The following CDK6 variants were observed in gnomAD, a reference collection of about 807,000 sequenced individuals.
CDK6 encodes cyclin dependent kinase 6, also known as cyclin-dependent kinase 6.
In CDK6, 6 loss-of-function variants were observed where a neutral mutation model predicts 37.1. The observed-to-expected ratio is 0.16, with a 90% confidence interval of 0.09 to 0.32. The LOEUF (loss-of-function observed/expected upper bound fraction) is 0.32. Among genes scored for constraint, CDK6 ranks in the 10% least tolerant of loss-of-function variants. The pLI is 1.00. For missense variants in CDK6, 224 were observed against 418.9 expected (o/e 0.53, Z 4.06); for synonymous variants, 160 against 161.3 (o/e 0.99, Z 0.06).
In CDK6 at chr7:92,609,531, CA is replaced by C; in HGVS notation, c.*5608del. 4.4e-6 allele frequency: 1 copy of C among 227,650 alleles called. No homozygotes were observed. Among genetic ancestry groups the C allele is most frequent in the Non-Finnish European group, 8.7e-6 (1 of 114,910 alleles). 14.1% of individuals were successfully genotyped at this position (227,650 alleles called of 1,614,324 possible). A position where few individuals can be genotyped will look rare whatever the true frequency, so the allele number is the denominator to read the frequency against. On this transcript the variant is annotated 3_prime_UTR_variant, in exon 8 of 8. Coordinates refer to ENST00000424848, the MANE Select transcript of CDK6 (RefSeq NM_001145306.2). ...GGTATTTTAGGGCTCTGTTTCAATA[CA>C]GCAATTTTTCAGACAAAAGTTTTGT...
chr7:92,799,422 C>T (rs189891572), intron 2 of CDK6, among the ~76,000 whole-genome samples: 15 of 152,264 alleles, frequency 9.9e-5, no homozygotes, highest in Middle Eastern at 3.4e-3. Flanking sequence ...CCCTCTACTT[C>T]TCTTGTGTCT....
At chr7:92,708,790 C>T (rs907584210) in intron 4 of CDK6, among the ~76,000 whole-genome samples, 1 of 152,128 alleles carries the variant, frequency 6.6e-6, no homozygotes, top group African/African-American at 2.4e-5. Context: ...AGAGATTCTT[C>T]ATTATACAAT....
chr7:92,830,973 C>T (rs1004899008), intron 2 of CDK6, among the ~76,000 whole-genome samples: 2 of 152,322 alleles, frequency 1.3e-5, no homozygotes, highest in Admixed American at 6.5e-5. Context: ...TCTGCTGAAA[C>T]GCAAACAATC....
Position 92,607,813 on chromosome 7 carries a change from G to GAAAACA in CDK6, c.*7321_*7326dup, listed in dbSNP as rs1418872583. The GAAAACA allele has an allele frequency of 4.3e-6, 1 of 232,268 alleles. No homozygotes were observed. Among genetic ancestry groups the GAAAACA allele is most frequent in the African/African-American group, 2.2e-5 (1 of 45,230 alleles). 14.4% of individuals were successfully genotyped at this position (232,268 alleles called of 1,614,324 possible). On this transcript the variant is annotated 3_prime_UTR_variant, in exon 8 of 8. Transcript: ENST00000424848. ...CTAATATATTTACTACAGGTAATAG[G>GAAAACA]AAAACAAATGAATAAAAAGTGAGGA...
chr7:92,626,670 C>T (rs1019367734), intron 5 of CDK6, among the ~76,000 whole-genome samples: 2 of 151,892 alleles, frequency 1.3e-5, no homozygotes, highest in Admixed American at 6.6e-5. Flanking sequence ...TGACAAGGGC[C>T]TCAACTAGGT....
At chr7:92,812,046 G>A (rs1437683153) in intron 2 of CDK6, among the ~76,000 whole-genome samples, 2 of 152,194 alleles carry the variant, frequency 1.3e-5, no homozygotes, top group Non-Finnish European at 2.9e-5. Context: ...GGCTGAGGCA[G>A]GAGAATCGCT....
At chr7:92,792,833 C>G (rs1461930143) in intron 2 of CDK6, among the ~76,000 whole-genome samples, 2 of 151,832 alleles carry the variant, frequency 1.3e-5, no homozygotes, top group African/African-American at 2.4e-5. Context: ...TCTCAGAGCT[C>G]CAGACACAAG....
At chr7:92,820,515 T>C (rs956065495) in intron 2 of CDK6, among the ~76,000 whole-genome samples, 5 of 152,158 alleles carry the variant, frequency 3.3e-5, no homozygotes, top group Admixed American at 6.5e-5. Context: ...GAAATTGTGA[T>C]GTTAAAGGGA....
chr7:92,623,977 G>T (rs1795867347), intron 5 of CDK6, among the ~76,000 whole-genome samples: 1 of 151,976 alleles, frequency 6.6e-6, no homozygotes, highest in African/African-American at 2.4e-5. Context: ...CTATTATCAG[G>T]TATCATATCT....
At chr7:92,799,903 T>C (rs778776246) in intron 2 of CDK6, among the ~76,000 whole-genome samples, 5 of 152,162 alleles carry the variant, frequency 3.3e-5, no homozygotes, top group Non-Finnish European at 5.9e-5. Flanking sequence ...CACATGTAAC[T>C]CAACATGTTC....
At chr7:92,665,193 T>C (rs946211028) in intron 5 of CDK6, among the ~76,000 whole-genome samples, 6 of 152,140 alleles carry the variant, frequency 3.9e-5, no homozygotes, top group East Asian at 3.8e-4. Flanking sequence ...AGGCAACCAA[T>C]AGATACCTGG....
Position 92,680,127 on chromosome 7 carries a change from G to C in CDK6, c.538-8592C>G, listed in dbSNP as rs1054067188. ...TCATTATAACACCTTAACTGGTTAT[G>C]GAAACTATTAAGAATTAAATACTGG... On this transcript the variant is annotated intron_variant, in intron 4 of 7. Coordinates refer to ENST00000424848, the MANE Select transcript of CDK6 (RefSeq NM_001145306.2). 2.6e-5 allele frequency among the ~76,000 whole-genome samples: 4 copies of C among 151,746 alleles called. No individual in the cohort carries two copies. In the South Asian group the frequency reaches 8.4e-4, roughly 32 times the overall value.
intron 3 of CDK6, among the ~76,000 whole-genome samples, chr7:92,746,759 T>C (rs1404809925): frequency 1.3e-5 from 2 of 152,196 alleles, no homozygotes; most frequent in Admixed American, 6.5e-5. Context: ...TATAAAACTT[T>C]TTATTTTTTT....
At chr7:92,820,759 A>C (rs1447640183) in intron 2 of CDK6, among the ~76,000 whole-genome samples, 1 of 152,128 alleles carries the variant, frequency 6.6e-6, no homozygotes, top group Non-Finnish European at 1.5e-5. Context: ...ATATTACTGA[A>C]GTTTAAATAT....
At position 92,606,235 on chromosome 7, in the gene CDK6, T is replaced by A. The variant is rs1795424898; in HGVS notation, c.*8905A>T. ...TGGTACCACAGCCAAAACTGAATGC[T>A]CTGTACAATGACTTGGTTTAAAAAT... On this transcript the variant is annotated 3_prime_UTR_variant, in exon 8 of 8. Coordinates refer to ENST00000424848, the MANE Select transcript of CDK6 (RefSeq NM_001145306.2). 1 of 233,434 alleles carries A rather than the reference T, an allele frequency of 4.3e-6. No homozygotes were observed. Among genetic ancestry groups the A allele is most frequent in the African/African-American group, 2.2e-5 (1 of 45,360 alleles). The allele number at this position is 233,434 out of a possible 1,614,324, so 14.5% of individuals were successfully genotyped here. A position where few individuals can be genotyped will look rare whatever the true frequency, so the allele number is the denominator to read the frequency against.
In CDK6 at chr7:92,611,241, A is replaced by G. The variant is rs1008932315; in HGVS notation, c.*3899T>C. ...TGAAACATGCATTCTTTTGAATTATATAAATATCTAAGAGTTTATAATAAC... is the reference window on the plus strand; with the variant it reads ...TGAAACATGCATTCTTTTGAATTATGTAAATATCTAAGAGTTTATAATAAC... On this transcript the variant is annotated 3_prime_UTR_variant, in exon 8 of 8. Coordinates refer to ENST00000424848, the MANE Select transcript of CDK6 (RefSeq NM_001145306.2). The G allele has an allele frequency of 4.4e-6, 1 of 225,630 alleles. No homozygotes were observed. The highest frequency in any genetic ancestry group is 8.8e-6 in the Non-Finnish European group (1 of 113,522). The allele number at this position is 225,630 out of a possible 1,614,324, so 14.0% of individuals were successfully genotyped here.
rs1292010140 is a variant in CDK6 at position 92,607,062 on chromosome 7, C to A, written c.*8078G>T. ...CACACTGGATTGCTTCTGTACACAG[C>A]TAAGTTGCCTGAAGCATGGAAACTT... On this transcript the variant is annotated 3_prime_UTR_variant, in exon 8 of 8. Transcript: ENST00000424848. The A allele has an allele frequency of 1.3e-5, 3 of 233,440 alleles. No homozygotes were observed. The highest frequency in any genetic ancestry group is 2.5e-5 in the Non-Finnish European group (3 of 117,982). 14.5% of individuals were successfully genotyped at this position (233,440 alleles called of 1,614,324 possible). A position where few individuals can be genotyped will look rare whatever the true frequency, so the allele number is the denominator to read the frequency against.
At chr7:92,644,416 A>C (rs1205212539) in intron 5 of CDK6, among the ~76,000 whole-genome samples, 1 of 152,206 alleles carries the variant, frequency 6.6e-6, no homozygotes, top group Non-Finnish European at 1.5e-5. Flanking sequence ...GACTGAAATA[A>C]AAATGGCTGT....
intron 3 of CDK6, among the ~76,000 whole-genome samples, chr7:92,727,826 G>C (rs1585434275): frequency 6.6e-6 from 1 of 152,134 alleles, no homozygotes; most frequent in East Asian, 1.9e-4. Flanking sequence ...CCAATAAGTT[G>C]TAATGAATAA....
Sources: allele counts gnomAD v4.1 joint callset (sites outside exome capture counted in the v4.1 genomes callset), GRCh38; gene constraint gnomAD v4.1.1; transcripts MANE v1.5; gene names NCBI Gene and HGNC (gene_info 2026-07-23, HGNC 2026-07-21).